The following NCKAP5 variants were observed in gnomAD, a reference collection of about 807,000 sequenced individuals.
NCKAP5 encodes the protein nck-associated protein 5.
A neutral mutation model predicts 167.0 loss-of-function variants in NCKAP5; 92 were observed. The ratio of observed to expected loss-of-function variants is 0.55; its 90% CI spans 0.47 to 0.66. NCKAP5 has a LOEUF of 0.66. NCKAP5 is among the 30% of genes least tolerant of loss of function. The pLI, the probability that NCKAP5 is intolerant of heterozygous loss-of-function variation, is 0.00. For missense variants in NCKAP5, 2,378 were observed against 2,315.0 expected (o/e 1.03, Z -0.56); for synonymous variants, 891 against 877.4 (o/e 1.02, Z -0.27).
intron 11 of NCKAP5, 38 bp from the exon 12 acceptor site, chr2:132,796,767 T>C (rs895249367): frequency 1.5e-6 from 2 of 1,376,322 alleles, no homozygotes; most frequent in Admixed American, 3.6e-5. Context: ...ATAGCGATAA[T>C]TTAATTATTT....
At chr2:132,975,007 G>A (rs933603311) in intron 7 of NCKAP5, among the ~76,000 whole-genome samples, 2 of 152,118 alleles carry the variant, frequency 1.3e-5, no homozygotes, top group Non-Finnish European at 2.9e-5. Flanking sequence ...TGGTGAGGAG[G>A]GTGTGCAAAA....
intron 1 of NCKAP5, among the ~76,000 whole-genome samples, chr2:133,566,018 C>G (rs1688526206): frequency 6.6e-6 from 1 of 152,136 alleles, no homozygotes; most frequent in Admixed American, 6.6e-5. Context: ...GATACCATGA[C>G]AGTCGAAACA....
intron 6 of NCKAP5, among the ~76,000 whole-genome samples, chr2:133,085,013 T>C (rs1276412631): frequency 1.3e-5 from 2 of 152,182 alleles, no homozygotes; most frequent in African/African-American, 4.8e-5. Flanking sequence ...CTGCATATTC[T>C]TCTTCTTTTA....
chr2:132,731,551 G>A (rs1311367143), intron 17 of NCKAP5, among the ~76,000 whole-genome samples, 186 bp downstream of exon 17: 1 of 152,140 alleles, frequency 6.6e-6, no homozygotes, highest in Non-Finnish European at 1.5e-5. Flanking sequence ...TGTACTGCTT[G>A]ATGTAATACT....
At chr2:133,440,527 G>A (rs1026005092) in intron 3 of NCKAP5, among the ~76,000 whole-genome samples, 3 of 151,796 alleles carry the variant, frequency 2.0e-5, no homozygotes, top group East Asian at 3.9e-4. Flanking sequence ...TGGCTAACAC[G>A]GTGAAACTCC....
intron 11 of NCKAP5, among the ~76,000 whole-genome samples, chr2:132,814,690 C>T (rs534115294): frequency 3.3e-5 from 5 of 152,140 alleles, no homozygotes; most frequent in African/African-American, 1.2e-4. Context: ...AGCTGCTCGT[C>T]GATTTCCCCA....
chr2:133,277,729 T>C (rs74715383), intron 4 of NCKAP5, among the ~76,000 whole-genome samples: 5 of 152,128 alleles, frequency 3.3e-5, no homozygotes, highest in South Asian at 2.1e-4. Context: ...GAAAATAAAG[T>C]ATACAGTAAA....
At chr2:133,272,853 A>C (rs1308026327) in intron 4 of NCKAP5, among the ~76,000 whole-genome samples, 1 of 152,178 alleles carries the variant, frequency 6.6e-6, no homozygotes, top group Non-Finnish European at 1.5e-5. Context: ...AATGTTTTCA[A>C]GTTTTGTCCA....
chr2:133,209,328 T>C (rs1218974091), intron 5 of NCKAP5, among the ~76,000 whole-genome samples: 1 of 150,328 alleles, frequency 6.7e-6, no homozygotes. Context: ...GGTGGTGGCA[T>C]TTATTTCCTG....
rs570267936 is a variant in NCKAP5 at position 132,790,266 on chromosome 2, A to C, written c.910-61T>G. The C allele has an allele frequency of 1.1e-4, 157 of 1,436,168 alleles. No individual in the cohort carries two copies. The African/African-American group carries it at 2.0e-3, about 18-fold the overall frequency. 89.0% of individuals were successfully genotyped at this position (1,436,168 alleles called of 1,614,324 possible). A position where few individuals can be genotyped will look rare whatever the true frequency, so the allele number is the denominator to read the frequency against. ...CTCAGAGGAGAGTAAATATCAACAC[A>C]ACCTTATGGTGAGGTAGATGGGAAT... On this transcript the variant is annotated intron_variant, in intron 12 of 19. Coordinates refer to ENST00000409261, the MANE Select transcript of NCKAP5 (RefSeq NM_207363.3).
intron 3 of NCKAP5, among the ~76,000 whole-genome samples, chr2:133,403,382 G>A (rs1383136807): frequency 6.6e-6 from 1 of 152,146 alleles, no homozygotes; most frequent in African/African-American, 2.4e-5. Context: ...TAAAGTAAAT[G>A]GCCTGTGGCA....
intron 11 of NCKAP5, among the ~76,000 whole-genome samples, chr2:132,859,490 C>T (rs996598479): frequency 3.3e-5 from 5 of 152,114 alleles, no homozygotes; most frequent in African/African-American, 7.2e-5. Context: ...CTTTTGATGA[C>T]TGGAAATGTG....
At chr2:132,741,518 G>A (rs961538003) in intron 16 of NCKAP5, among the ~76,000 whole-genome samples, 7 of 152,052 alleles carry the variant, frequency 4.6e-5, no homozygotes, top group Non-Finnish European at 1.0e-4. Flanking sequence ...CCTGTTTTAA[G>A]AGTTATCACT....
chr2:133,207,686 T>A (rs1400885366), intron 5 of NCKAP5, among the ~76,000 whole-genome samples: 1 of 151,898 alleles, frequency 6.6e-6, no homozygotes, highest in African/African-American at 2.4e-5. Flanking sequence ...AAAAACAAGA[T>A]GGGAGCATGT....
intron 11 of NCKAP5, among the ~76,000 whole-genome samples, chr2:132,836,505 A>ACTG (rs1288865936): frequency 6.6e-6 from 1 of 151,384 alleles, no homozygotes; most frequent in Non-Finnish European, 1.5e-5. Flanking sequence ...CAACTCTCCA[A>ACTG]CTGCTCATCA....
rs184665793 is a variant in NCKAP5 at position 133,025,981 on chromosome 2, C to G, written c.342-31742G>C. On this transcript the variant is annotated intron_variant, in intron 6 of 19. Transcript: ENST00000409261. ...ATTTTTCCTGATGTTCTCCCTCCCC[C>G]TCTCCTCCGACAGGCCCCAAGCCTC... 1.9e-3 allele frequency among the ~76,000 whole-genome samples: 296 copies of G among 152,258 alleles called. 1 individual carries two copies. The highest frequency in any genetic ancestry group is 6.8e-3 in the African/African-American group (281 of 41,556).
chr2:133,450,881 T>C (rs899879119), intron 3 of NCKAP5, among the ~76,000 whole-genome samples: 4 of 152,154 alleles, frequency 2.6e-5, no homozygotes, highest in Non-Finnish European at 4.4e-5. Context: ...AGAAACCTTA[T>C]AAAAGGTTTT....
intron 3 of NCKAP5, among the ~76,000 whole-genome samples, chr2:133,355,803 T>C (rs1318986700): frequency 2.0e-5 from 3 of 152,176 alleles, no homozygotes; most frequent in Admixed American, 2.0e-4. Flanking sequence ...TGGAGTATAA[T>C]CACCTCACAT....
At chr2:133,090,634 A>G (rs767648344) in intron 6 of NCKAP5, among the ~76,000 whole-genome samples, 4 of 152,160 alleles carry the variant, frequency 2.6e-5, no homozygotes, top group Non-Finnish European at 4.4e-5. Flanking sequence ...TTAAGCCACC[A>G]AGTCTGTGGT....
Sources: gnomAD v4.1 joint callset for allele counts (sites outside exome capture counted in the v4.1 genomes callset) on GRCh38, gnomAD v4.1.1 for gene constraint, MANE v1.5 for transcripts, NCBI Gene and HGNC (gene_info 2026-07-23, HGNC 2026-07-21) for gene names.